Variants in DYNC2LI1 observed in about 807,000 individuals in gnomAD.
DYNC2LI1 encodes dynein cytoplasmic 2 light intermediate chain 1, also known as cytoplasmic dynein 2 light intermediate chain 1.
In DYNC2LI1, 45 loss-of-function variants were observed where a neutral mutation model predicts 51.9. That is an observed-to-expected ratio of 0.87 (90% CI 0.68 to 1.11). The LOEUF (loss-of-function observed/expected upper bound fraction) is 1.11, where lower values mean the gene tolerates loss of function less well. Ranked by LOEUF, DYNC2LI1 falls within the 50% of genes most tolerant of loss-of-function variation. The pLI is 0.00. For synonymous variants in DYNC2LI1, 130 were observed against 137.8 expected (o/e 0.94, Z 0.40); for missense variants, 490 against 417.4 (o/e 1.17, Z -1.51).
At chr2:43,827,130 C>G in the DYNC2LI1 span, among the ~76,000 whole-genome samples, 1 of 151,936 alleles carries the variant, frequency 6.6e-6, no homozygotes, top group Non-Finnish European at 1.5e-5. Context: ...TTCGAGACCA[C>G]CCTGGCCAAC....
intron 11 of DYNC2LI1, 30 bp downstream of exon 11, chr2:43,804,769 G>A: frequency 7.0e-7 from 1 of 1,431,516 alleles, no homozygotes; most frequent in Non-Finnish European, 9.7e-7. Context: ...TTAAAAGCAA[G>A]ACTTTTAGCA....
At chr2:43,813,020 G>T, downstream of DYNC2LI1, 1 of 727,714 alleles carries the variant, frequency 1.4e-6, no homozygotes. Context: ...GAGATGTCCT[G>T]TCAAGAAAGA....
chr2:43,806,373 A>G (rs1035297361), intron 12 of DYNC2LI1, among the ~76,000 whole-genome samples: 1 of 152,232 alleles, frequency 6.6e-6, no homozygotes, highest in Non-Finnish European at 1.5e-5. Context: ...AGCTGGGAGT[A>G]GGAGCCAGGG....
chr2:43,823,929 C>A, the DYNC2LI1 span: 1 of 1,614,178 alleles, frequency 6.2e-7, no homozygotes, highest in East Asian at 2.2e-5. Context: ...TCACAGCGTT[C>A]AGCATGCCTG....
At chr2:43,822,477 GGCCCC>G in the DYNC2LI1 span, 1 of 349,190 alleles carries the variant, frequency 2.9e-6, no homozygotes, top group Non-Finnish European at 3.7e-6. Context: ...CCCTCCCCCA[GGCCCC>G]CCCCCATGCA....
chr2:43,814,330 C>G, downstream of DYNC2LI1: 3 of 629,054 alleles, frequency 4.8e-6, no homozygotes. Context: ...TCTTAAAAAT[C>G]AGAGAAAATG....
chr2:43,811,785 G>A (rs1003102088), downstream of DYNC2LI1, among the ~76,000 whole-genome samples: 7 of 151,932 alleles, frequency 4.6e-5, no homozygotes, highest in African/African-American at 1.5e-4. Flanking sequence ...TAGTAGAGAC[G>A]GGGTTTCACC....
intron 12 of DYNC2LI1, among the ~76,000 whole-genome samples, chr2:43,806,558 A>G (rs1475679130): frequency 6.6e-6 from 1 of 152,194 alleles, no homozygotes; most frequent in Non-Finnish European, 1.5e-5. Flanking sequence ...AACCCTTATT[A>G]TGTTTGCAGC....
chr2:43,789,051 G>GT (rs1270752944), intron 4 of DYNC2LI1, among the ~76,000 whole-genome samples: 1 of 152,162 alleles, frequency 6.6e-6, no homozygotes, highest in East Asian at 1.9e-4. Flanking sequence ...CACCTACCGT[G>GT]TATTATTGTC....
In DYNC2LI1 at chr2:43,776,818, A is replaced by G. The variant is rs1673047541; in HGVS notation, c.45A>G (p.Glu15=). 1 of 1,601,710 alleles carries G rather than the reference A, an allele frequency of 6.2e-7. No individual in the cohort carries two copies. The highest frequency in any genetic ancestry group is 8.5e-7 in the Non-Finnish European group (1 of 1,174,280). ...GGGAAATTGCAAAAGCTGAAGTGGA[A>G]AAAAGGGGAATTAATGGAAGTGAAG... The part of the protein sequence containing the change: ...TLWEIAKAEV[E]KRGINGSEGD... The change falls in exon 2 of 13, where the codon GAA becomes GAG. Residue 15 remains glutamate (E), a synonymous_variant. Coordinates refer to ENST00000260605, the MANE Select transcript of DYNC2LI1 (RefSeq NM_016008.4).
chr2:43,777,003 A>G (rs1260120560), intron 2 of DYNC2LI1, 104 bp downstream of exon 2: 5 of 605,016 alleles, frequency 8.3e-6, no homozygotes, highest in African/African-American at 5.7e-5. Flanking sequence ...CTTTAACCAG[A>G]TGACCAATCT....
downstream of DYNC2LI1, chr2:43,810,580 A>C: frequency 2.2e-6 from 2 of 923,284 alleles, no homozygotes; most frequent in Non-Finnish European, 2.6e-6. Flanking sequence ...CCATGTCCAC[A>C]TACAAAATAT....
chr2:43,783,373 C>T, intron 2 of DYNC2LI1, 147 bp from the exon 3 acceptor site: 2 of 652,204 alleles, frequency 3.1e-6, no homozygotes, highest in Non-Finnish European at 2.6e-6. Flanking sequence ...AACTTTAGAA[C>T]AATTCCGAAA....
chr2:43,825,856 G>C, the DYNC2LI1 span, among the ~76,000 whole-genome samples: 11 of 152,216 alleles, frequency 7.2e-5, no homozygotes, highest in Non-Finnish European at 1.5e-4. Flanking sequence ...GTGTTGTGCA[G>C]ATGAAATGAG....
At chr2:43,799,109 G>A (rs1351961981) in intron 8 of DYNC2LI1, among the ~76,000 whole-genome samples, 1 of 152,136 alleles carries the variant, frequency 6.6e-6, no homozygotes, top group East Asian at 1.9e-4. Flanking sequence ...AGACCAGCCT[G>A]GGCAACAAAA....
At chr2:43,781,374 A>G (rs1196463168) in intron 2 of DYNC2LI1, among the ~76,000 whole-genome samples, 2 of 151,926 alleles carry the variant, frequency 1.3e-5, no homozygotes, top group Non-Finnish European at 2.9e-5. Flanking sequence ...CTCAAAAAAA[A>G]AAACAAAAAA....
Position 43,776,835 on chromosome 2 carries a change from G to A in DYNC2LI1, c.62G>A (p.Gly21Glu). Residue 21 changes from glycine to glutamate, a missense_variant, in exon 2 of 13, where the codon GGA becomes GAA. Gly to Glu is a moderately conservative substitution (Grantham distance 98). Transcript: ENST00000260605. ...KAEVEKRGIN[G>E]SEGDGAEIAE... ...GAAGTGGAAAAAAGGGGAATTAATG[G>A]AAGTGAAGGTGATGGAGCTGAAATT... 4 of 1,604,018 alleles carry A rather than the reference G, an allele frequency of 2.5e-6. No individual in the cohort carries two copies. The highest frequency in any genetic ancestry group is 3.4e-6 in the Non-Finnish European group (4 of 1,175,396).
downstream of DYNC2LI1, chr2:43,813,089 CT>C (rs747853118): frequency 4.3e-6 from 4 of 929,792 alleles, no homozygotes; most frequent in Non-Finnish European, 7.2e-6. Flanking sequence ...GGCAGCTTCA[CT>C]TCCATTTTCC....
At chr2:43,820,055 A>G in the DYNC2LI1 span, 1 of 1,614,126 alleles carries the variant, frequency 6.2e-7, no homozygotes, top group Non-Finnish European at 8.5e-7. Flanking sequence ...AGAGAGCAGC[A>G]GAAAAATATC....
Sources: allele counts gnomAD v4.1 joint callset (sites outside exome capture counted in the v4.1 genomes callset), GRCh38; gene constraint gnomAD v4.1.1; transcripts MANE v1.5; gene names NCBI Gene and HGNC (gene_info 2026-07-23, HGNC 2026-07-21).